STARD7: variants seen among roughly 807,000 people sequenced by gnomAD.
STARD7 encodes StAR related lipid transfer domain containing 7.
STARD7 carries 30 observed loss-of-function variants against 45.3 expected under a neutral mutation model. That is an observed-to-expected ratio of 0.66 (90% CI 0.50 to 0.90). The LOEUF (loss-of-function observed/expected upper bound fraction) is 0.90. Ranked by LOEUF, STARD7 falls within the 40% of genes least tolerant of loss-of-function variation. The pLI, the probability that STARD7 is intolerant of heterozygous loss-of-function variation, is 0.00. For missense variants in STARD7, 495 were observed against 491.3 expected (o/e 1.01, Z -0.07); for synonymous variants, 199 against 183.0 (o/e 1.09, Z -0.70).
chr2:96,189,092 G>C (rs1406230169), intron 6 of STARD7, among the ~76,000 whole-genome samples: 1 of 151,964 alleles, frequency 6.6e-6, no homozygotes, highest in East Asian at 1.9e-4. Flanking sequence ...AGGGACTACA[G>C]GCATGCACTA....
intron 1 of STARD7, among the ~76,000 whole-genome samples, chr2:96,196,368 G>A (rs1176102484): frequency 2.6e-5 from 4 of 152,152 alleles, no homozygotes; most frequent in African/African-American, 7.2e-5. Context: ...GCTGAGATGG[G>A]AACATCACTT....
chr2:96,201,409 T>TAAAAA (rs60808208), intron 1 of STARD7, among the ~76,000 whole-genome samples: 25 of 109,582 alleles, frequency 2.3e-4, no homozygotes, highest in South Asian at 2.8e-4. Flanking sequence ...ACTCCACCTC[T>TAAAAA]AAAAAAAAAA....
chr2:96,188,795 G>C (rs1219722902), intron 6 of STARD7, among the ~76,000 whole-genome samples: 1 of 151,948 alleles, frequency 6.6e-6, no homozygotes, highest in African/African-American at 2.4e-5. Flanking sequence ...TCGGGAGGCT[G>C]AGGCAAGAGA....
chr2:96,207,051 G>C (rs946762219), intron 1 of STARD7, among the ~76,000 whole-genome samples: 6 of 152,164 alleles, frequency 3.9e-5, no homozygotes, highest in Admixed American at 3.9e-4. Context: ...ATTATTTTAA[G>C]TTGCATTTAT....
chr2:96,208,668 C>G lies in STARD7; in HGVS notation c.-234G>C. 2.2e-6 allele frequency: 1 copy of G among 457,294 alleles called. No individual in the cohort carries two copies. The highest frequency in any genetic ancestry group is 5.0e-5 in the South Asian group (1 of 20,130). The allele number at this position is 457,294 out of a possible 1,614,324, so 28.3% of individuals were successfully genotyped here. A position where few individuals can be genotyped will look rare whatever the true frequency, so the allele number is the denominator to read the frequency against. On this transcript the variant is annotated 5_prime_UTR_variant, in exon 1 of 8. Coordinates refer to ENST00000337288, the MANE Select transcript of STARD7 (RefSeq NM_020151.4). ...CGGGATGGCTCCGCGACTGCTACAC[C>G]AGGCACTCCTGGGCCCGGGCAGCAG...
chr2:96,204,340 G>T (rs1169769664), intron 1 of STARD7, among the ~76,000 whole-genome samples: 1 of 151,220 alleles, frequency 6.6e-6, no homozygotes, highest in African/African-American at 2.4e-5. Context: ...GGATCACGAG[G>T]TCAAGAGCTG....
chr2:96,185,113 G>C lies in STARD7; in HGVS notation c.*1617C>G, dbSNP rs1268050650. ...CACATCCATCCACATCCCAACAATT[G>C]CAGGTGCTAAGTTTGGACATAACCC... On this transcript the variant is annotated 3_prime_UTR_variant, in exon 8 of 8. Transcript: ENST00000337288. 6.6e-6 allele frequency: 1 copy of C among 152,498 alleles called. No individual in the cohort carries two copies. The highest frequency in any genetic ancestry group is 2.4e-5 in the African/African-American group (1 of 41,410). 9.4% of individuals were successfully genotyped at this position (152,498 alleles called of 1,614,324 possible).
At chr2:96,191,835 T>C (rs1683129958) in intron 6 of STARD7, among the ~76,000 whole-genome samples, 3 of 152,074 alleles carry the variant, frequency 2.0e-5, no homozygotes, top group Admixed American at 2.0e-4. Context: ...CAGCAGCCAC[T>C]AGCATCAATA....
chr2:96,196,464 TTTTG>T (rs1386856919), intron 1 of STARD7, among the ~76,000 whole-genome samples: 1 of 152,022 alleles, frequency 6.6e-6, no homozygotes, highest in Non-Finnish European at 1.5e-5. Flanking sequence ...TGTCTCTTTT[TTTTG>T]TTTGTTTTTT....
Position 96,208,510 on chromosome 2 carries a change from A to G in STARD7, c.-76T>C. 7.8e-7 allele frequency: 1 copy of G among 1,274,050 alleles called. No homozygotes were observed. 78.9% of individuals were successfully genotyped at this position (1,274,050 alleles called of 1,614,324 possible). The stretch of plus-strand genomic sequence containing the variant: ...CCGGAGGGGCGCAGGCGGTGGTCGC[A>G]GCGTCCCCCTAAATGGCCGGCCACG... On this transcript the variant is annotated 5_prime_UTR_variant, in exon 1 of 8. Coordinates refer to ENST00000337288, the MANE Select transcript of STARD7 (RefSeq NM_020151.4).
At chr2:96,207,098 T>C (rs1035489329) in intron 1 of STARD7, among the ~76,000 whole-genome samples, 1 of 152,238 alleles carries the variant, frequency 6.6e-6, no homozygotes, top group Non-Finnish European at 1.5e-5. Context: ...GTATTCCCAG[T>C]TCTTAAGATA....
chr2:96,190,389 G>A (rs72825856), intron 6 of STARD7, among the ~76,000 whole-genome samples: 20,790 of 147,456 alleles, frequency 0.14, 1,650 homozygotes, highest in Middle Eastern at 0.24. Flanking sequence ...ACGCTGGGGT[G>A]CAGCGGCACG....
Position 96,208,753 on chromosome 2 carries a change from G to A in STARD7, c.-319C>T. 1 of 409,936 alleles carries A rather than the reference G, an allele frequency of 2.4e-6. No individual in the cohort carries two copies. Among genetic ancestry groups the A allele is most frequent in the Non-Finnish European group, 4.3e-6 (1 of 231,846 alleles). 25.4% of individuals were successfully genotyped at this position (409,936 alleles called of 1,614,324 possible). On this transcript the variant is annotated 5_prime_UTR_variant, in exon 1 of 8. Coordinates refer to ENST00000337288, the MANE Select transcript of STARD7 (RefSeq NM_020151.4). Reference sequence around the variant, plus strand: ...GCGGGCGCCCGGGGCCGGGATGCAGGGCGCGCGGACAGAAACGAGACAGAC... The same window carrying A: ...GCGGGCGCCCGGGGCCGGGATGCAGAGCGCGCGGACAGAAACGAGACAGAC...
intron 1 of STARD7, among the ~76,000 whole-genome samples, chr2:96,204,744 A>G (rs1683360751): frequency 6.6e-6 from 1 of 150,652 alleles, no homozygotes; most frequent in African/African-American, 2.4e-5. Flanking sequence ...TGAAGTGACA[A>G]TGGCCAAAAA....
chr2:96,192,211 G>C (rs1683135523), intron 6 of STARD7, among the ~76,000 whole-genome samples, 158 bp downstream of exon 6: 1 of 152,110 alleles, frequency 6.6e-6, no homozygotes, highest in Non-Finnish European at 1.5e-5. Context: ...ACCTACGTCA[G>C]GAGTTCCCAA....
chr2:96,185,993 A>G lies in STARD7; in HGVS notation c.*737T>C, dbSNP rs1463533798. ...AAGGAGGCAATGATCCAATGAATATAGAAGAACTGGCCGATTCACAGGAAA... is the reference window on the plus strand; with the variant it reads ...AAGGAGGCAATGATCCAATGAATATGGAAGAACTGGCCGATTCACAGGAAA... On this transcript the variant is annotated 3_prime_UTR_variant, in exon 8 of 8. Transcript: ENST00000337288. 6 of 152,198 alleles carry G rather than the reference A, an allele frequency of 3.9e-5. No homozygotes were observed. The highest frequency in any genetic ancestry group is 7.4e-5 in the Non-Finnish European group (5 of 68,026). 9.4% of individuals were successfully genotyped at this position (152,198 alleles called of 1,614,324 possible).
At chr2:96,204,749 C>CAAAAAAAAAAAAAAAAAAAAA (rs397959036) in intron 1 of STARD7, among the ~76,000 whole-genome samples, 1 of 96,156 alleles carries the variant, frequency 1.0e-5, no homozygotes, top group Non-Finnish European at 2.2e-5. Context: ...TGACAATGGC[C>CAAAAAAAAAAAAAAAAAAAAA]AAAAAAAAAA....
intron 1 of STARD7, among the ~76,000 whole-genome samples, chr2:96,199,695 T>C (rs1018027036): frequency 3.3e-5 from 5 of 152,230 alleles, no homozygotes; most frequent in South Asian, 2.1e-4. Context: ...CAGTACAATG[T>C]TGAACAGAAA....
In STARD7 at chr2:96,208,558, C is replaced by CTCCTGGCCG; in HGVS notation, c.-125_-124insCGGCCAGGA. 2 of 827,184 alleles carry CTCCTGGCCG rather than the reference C, an allele frequency of 2.4e-6. No homozygotes were observed. The highest frequency in any genetic ancestry group is 3.4e-6 in the Non-Finnish European group (2 of 586,648). The allele number at this position is 827,184 out of a possible 1,614,324, so 51.2% of individuals were successfully genotyped here. A position where few individuals can be genotyped will look rare whatever the true frequency, so the allele number is the denominator to read the frequency against. On this transcript the variant is annotated 5_prime_UTR_variant, in exon 1 of 8. Coordinates refer to ENST00000337288, the MANE Select transcript of STARD7 (RefSeq NM_020151.4). ...ACGAACCCGTCTCACGGTCCCGCGG[C>CTCCTGGCCG]CAGGAGCCGCCGCTCATCTGTCTCT... is the stretch of plus-strand genomic sequence containing the variant.
Sources: allele counts gnomAD v4.1 joint callset (sites outside exome capture counted in the v4.1 genomes callset), GRCh38; gene constraint gnomAD v4.1.1; transcripts MANE v1.5; gene names NCBI Gene and HGNC (gene_info 2026-07-23, HGNC 2026-07-21).